Variants in DLG2 observed in about 807,000 individuals in gnomAD.
DLG2 encodes discs large MAGUK scaffold protein 2, also known as disks large homolog 2.
In DLG2, 45 loss-of-function variants were observed where a neutral mutation model predicts 132.5. The ratio of observed to expected loss-of-function variants is 0.34; its 90% CI spans 0.27 to 0.44. The LOEUF is 0.44. Ranked by LOEUF, DLG2 falls within the 20% of genes least tolerant of loss-of-function variation. The probability of loss-of-function intolerance (pLI) is 1.00; values close to 1 mark genes in which losing one functional copy is unlikely to be tolerated. For synonymous variants in DLG2, 424 were observed against 419.6 expected (o/e 1.01, Z -0.13); for missense variants, 1,045 against 1,196.9 (o/e 0.87, Z 1.87).
intron 3 of DLG2, among the ~76,000 whole-genome samples, chr11:85,475,563 T>A (rs539128695): frequency 6.6e-6 from 1 of 152,172 alleles, no homozygotes; most frequent in Non-Finnish European, 1.5e-5. Context: ...ATTTTTCCAA[T>A]CAACAGAGTA....
intron 3 of DLG2, among the ~76,000 whole-genome samples, chr11:85,393,975 G>T (rs569230154): frequency 5.9e-5 from 9 of 152,158 alleles, no homozygotes; most frequent in African/African-American, 2.2e-4. Flanking sequence ...CTCAGGGGAT[G>T]GGTGCACCAA....
At chr11:84,998,618 C>T (rs963942986) in intron 6 of DLG2, among the ~76,000 whole-genome samples, 9 of 152,072 alleles carry the variant, frequency 5.9e-5, no homozygotes, top group Admixed American at 4.6e-4. Context: ...GTTGATGGTA[C>T]ACAGTAATTT....
chr11:84,972,425 G>C (rs960510368), intron 6 of DLG2, among the ~76,000 whole-genome samples: 1 of 152,172 alleles, frequency 6.6e-6, no homozygotes, highest in African/African-American at 2.4e-5. Flanking sequence ...AAGGGAGCTG[G>C]TTTTGTCTAT....
At chr11:83,489,789 A>G (rs901027263) in intron 21 of DLG2, among the ~76,000 whole-genome samples, 1 of 151,982 alleles carries the variant, frequency 6.6e-6, no homozygotes, top group African/African-American at 2.4e-5. Context: ...TACAGGGATG[A>G]CAATTCTGAA....
At chr11:85,387,270 A>G (rs1383319073) in intron 3 of DLG2, among the ~76,000 whole-genome samples, 1 of 152,214 alleles carries the variant, frequency 6.6e-6, no homozygotes, top group African/African-American at 2.4e-5. Flanking sequence ...CAACATTTTT[A>G]TAACATTTCC....
At position 83,714,485 on chromosome 11, in the gene DLG2, A is replaced by G. The variant is rs532757603; in HGVS notation, c.1825+72205T>C. Among the ~76,000 whole-genome samples, 7 of 152,344 alleles carry G rather than the reference A, an allele frequency of 4.6e-5. No homozygotes were observed. In the South Asian group the frequency reaches 1.5e-3, roughly 32 times the overall value. On this transcript the variant is annotated intron_variant, in intron 18 of 27. Transcript: ENST00000376104. The stretch of plus-strand genomic sequence containing the variant: ...GTAATCTGTCTAAGATCACATAGAT[A>G]AATAGTAGAGCTGGAATTCAAACAT...
intron 18 of DLG2, among the ~76,000 whole-genome samples, chr11:83,759,058 A>C (rs1234501117): frequency 6.6e-6 from 1 of 152,222 alleles, no homozygotes; most frequent in Non-Finnish European, 1.5e-5. Context: ...TGAATATCTA[A>C]TATATTTCAG....
intron 18 of DLG2, among the ~76,000 whole-genome samples, chr11:83,691,448 A>C (rs1048238145): frequency 2.0e-5 from 3 of 152,162 alleles, no homozygotes; most frequent in African/African-American, 7.2e-5. Context: ...TCCCTCTTCG[A>C]GTCTCTCAAA....
At chr11:85,077,946 G>A (rs1288593721) in intron 6 of DLG2, among the ~76,000 whole-genome samples, 1 of 128,344 alleles carries the variant, frequency 7.8e-6, no homozygotes, top group South Asian at 3.2e-4. Context: ...AATCCAAGAA[G>A]CTGTAAATGC....
intron 19 of DLG2, among the ~76,000 whole-genome samples, chr11:83,578,038 TA>T (rs1267926917): frequency 7.8e-5 from 8 of 103,026 alleles, no homozygotes; most frequent in African/African-American, 3.3e-4. Context: ...TCATGGGGTT[TA>T]TTTTGTGTGT....
chr11:84,461,687 T>C (rs2099080584), intron 7 of DLG2, among the ~76,000 whole-genome samples: 1 of 150,752 alleles, frequency 6.6e-6, no homozygotes, highest in Non-Finnish European at 1.5e-5. Flanking sequence ...ATATAAAGAG[T>C]GAAGAACACA....
intron 3 of DLG2, among the ~76,000 whole-genome samples, chr11:85,433,179 G>C (rs750103903): frequency 7.7e-4 from 117 of 152,042 alleles, no homozygotes; most frequent in Middle Eastern, 3.2e-3. Context: ...ATCAAATATG[G>C]AAAGGAAAAA....
At position 83,593,599 on chromosome 11, in the gene DLG2, C is replaced by G. The variant is rs377515746; in HGVS notation, c.1940+39612G>C. ...GCATGGCACATGTATACATATGTAA[C>G]TAACCTGCACAATGTGCACATGTAC... On this transcript the variant is annotated intron_variant, in intron 19 of 27. Transcript: ENST00000376104. Among the ~76,000 whole-genome samples the G allele has an allele frequency of 1.1e-4, 16 of 149,582 alleles. No individual in the cohort carries two copies. The South Asian group carries it at 1.3e-3, about 12-fold the overall frequency.
chr11:84,629,080 T>C (rs905944886), intron 6 of DLG2, among the ~76,000 whole-genome samples: 1 of 152,304 alleles, frequency 6.6e-6, no homozygotes. Context: ...GCATGAATCC[T>C]TCCTTTCCTG....
chr11:83,493,334 T>TC, intron 21 of DLG2, among the ~76,000 whole-genome samples: 1 of 134,244 alleles, frequency 7.4e-6, no homozygotes, highest in African/African-American at 3.0e-5. Context: ...GTCTTTTCTT[T>TC]CTTTCCTTCC....
At chr11:83,930,580 C>T in intron 14 of DLG2, 97 bp from the exon 15 acceptor site, 2 of 1,246,268 alleles carry the variant, frequency 1.6e-6, no homozygotes, top group South Asian at 3.2e-5. Flanking sequence ...AAAGTAAAAA[C>T]AATGCCATTT....
rs376851632 is a variant in DLG2 at position 84,485,660 on chromosome 11, T to C, written c.519+48910A>G. On this transcript the variant is annotated intron_variant, in intron 7 of 27. Transcript: ENST00000376104. Reference sequence around the variant, plus strand: ...TGCCATCTGGTTCCTCCAAACTTGATAAAGGTTTTGTGAGAAGTAAATACA... The same window carrying C: ...TGCCATCTGGTTCCTCCAAACTTGACAAAGGTTTTGTGAGAAGTAAATACA... Among the ~76,000 whole-genome samples the C allele has an allele frequency of 4.6e-5, 7 of 152,264 alleles. No homozygotes were observed. In the East Asian group the frequency reaches 9.7e-4, roughly 21 times the overall value.
intron 6 of DLG2, among the ~76,000 whole-genome samples, chr11:84,906,192 TTTTATC>T (rs1475235980): frequency 1.3e-5 from 2 of 151,922 alleles, no homozygotes; most frequent in Non-Finnish European, 2.9e-5. Context: ...TTCCTTTTTT[TTTTATC>T]TTTATCTTGA....
chr11:84,103,452 T>C (rs1039140119), intron 9 of DLG2, among the ~76,000 whole-genome samples: 9 of 151,964 alleles, frequency 5.9e-5, no homozygotes, highest in African/African-American at 2.2e-4. Context: ...ATTAACCGAG[T>C]GTTGATCCCT....
Sources: gnomAD v4.1 joint callset for allele counts (sites outside exome capture counted in the v4.1 genomes callset) on GRCh38, gnomAD v4.1.1 for gene constraint, MANE v1.5 for transcripts, NCBI Gene and HGNC (gene_info 2026-07-23, HGNC 2026-07-21) for gene names.